Variants in CNTNAP3 observed in about 807,000 individuals in gnomAD.
CNTNAP3 encodes contactin associated protein family member 3, also known as contactin-associated protein-like 3.
A neutral mutation model predicts 92.1 loss-of-function variants in CNTNAP3; 36 were observed. The ratio of observed to expected loss-of-function variants is 0.39; its 90% CI spans 0.30 to 0.52. The LOEUF is 0.52. CNTNAP3 is among the 20% of genes least tolerant of loss of function. CNTNAP3 has a pLI of 0.76. For synonymous variants in CNTNAP3, 232 were observed against 422.3 expected (o/e 0.55, Z 5.53); for missense variants, 534 against 1,069.6 (o/e 0.50, Z 6.98).
intron 17 of CNTNAP3, 97 bp downstream of exon 17, chr9:39,102,400 G>T: frequency 5.8e-6 from 9 of 1,563,392 alleles, no homozygotes; most frequent in East Asian, 4.7e-5. Context: ...AGTAGTTGTT[G>T]TTGGCAACTG....
intron 18 of CNTNAP3, among the ~76,000 whole-genome samples, chr9:39,090,080 C>T (rs1476420937): frequency 6.6e-6 from 1 of 151,838 alleles, no homozygotes; most frequent in Non-Finnish European, 1.5e-5. Context: ...GCTGGGACTA[C>T]AGGCGCCCGC....
At position 39,092,555 on chromosome 9, in the gene CNTNAP3, A is replaced by T. The variant is rs1370162547; in HGVS notation, c.2996-3908T>A. Among the ~76,000 whole-genome samples, 6 of 136,616 alleles carry T rather than the reference A, an allele frequency of 4.4e-5. 1 individual carries two copies. Among genetic ancestry groups the T allele is most frequent in the African/African-American group, 1.6e-4 (6 of 37,296 alleles). The allele number at this position is 136,616 out of a possible 152,430, so 89.6% of individuals were successfully genotyped here. On this transcript the variant is annotated intron_variant, in intron 18 of 23. Coordinates refer to ENST00000297668, the MANE Select transcript of CNTNAP3 (RefSeq NM_033655.5). ...TATTCCACAATTTCTTTATGTTATT[A>T]TTTTCATCTCATTGTGTTTTAAAAA... is the stretch of plus-strand genomic sequence containing the variant.
rs1241972360 is a variant in CNTNAP3 at position 39,287,753 on chromosome 9, TA to T, written c.85+226del. On this transcript the variant is annotated intron_variant, in intron 1 of 23. Transcript: ENST00000297668. ...TCAATGAATATTCAAGTACATCGATTAAAAAGTCAAAACATGCATGGTATAT... is the reference window on the plus strand; with the variant it reads ...TCAATGAATATTCAAGTACATCGATTAAAAGTCAAAACATGCATGGTATAT... 6.5e-5 allele frequency among the ~76,000 whole-genome samples: 3 copies of T among 46,272 alleles called. 1 individual carries two copies. The highest frequency in any genetic ancestry group is 4.9e-4 in the Admixed American group (2 of 4,052). 30.4% of individuals were successfully genotyped at this position (46,272 alleles called of 152,430 possible).
chr9:39,069,143 C>T lies in CNTNAP3; in HGVS notation c.*4747G>A, dbSNP rs1825581488. ...TTAAGATGAACATTGTAGATTGGAG[C>T]ATATTATGGGAGCAAGGCAACCTGT... On this transcript the variant is annotated 3_prime_UTR_variant, in exon 24 of 24. Transcript: ENST00000297668. Among the ~76,000 whole-genome samples, 1 of 151,986 alleles carries T rather than the reference C, an allele frequency of 6.6e-6. No individual in the cohort carries two copies. Among genetic ancestry groups the T allele is most frequent in the African/African-American group, 2.4e-5 (1 of 41,246 alleles).
intron 4 of CNTNAP3, among the ~76,000 whole-genome samples, chr9:39,184,040 C>A (rs898194995): frequency 1.4e-5 from 2 of 146,526 alleles, no homozygotes; most frequent in Non-Finnish European, 3.0e-5. Context: ...TTTGTGTCTG[C>A]GTTCCTTCTT....
In CNTNAP3 at chr9:39,139,135, C is replaced by G. The variant is rs926406310; in HGVS notation, c.1876+1384G>C. 3.0e-4 allele frequency among the ~76,000 whole-genome samples: 46 copies of G among 152,248 alleles called. 1 individual carries two copies. Among genetic ancestry groups the G allele is most frequent in the Admixed American group, 6.5e-4 (10 of 15,294 alleles). ...GCATCTAAAGAGAAGGTGACATTTT[C>G]TAGGGCAGAAAAGAGACCAGAGTTT... On this transcript the variant is annotated intron_variant, in intron 12 of 23. Transcript: ENST00000297668.
In CNTNAP3 at chr9:39,066,510, A is replaced by G. The variant is rs982973623; in HGVS notation, c.*7380T>C. Among the ~76,000 whole-genome samples, 1 of 152,236 alleles carries G rather than the reference A, an allele frequency of 6.6e-6. No individual in the cohort carries two copies. Among genetic ancestry groups the G allele is most frequent in the African/African-American group, 2.4e-5 (1 of 41,456 alleles). ...ATTCTTTATTTTCCTTCTTCCTGAA[A>G]GGCTTTTACACTGTTCTCATAGTCC... is the stretch of plus-strand genomic sequence containing the variant. On this transcript the variant is annotated 3_prime_UTR_variant, in exon 24 of 24. Coordinates refer to ENST00000297668, the MANE Select transcript of CNTNAP3 (RefSeq NM_033655.5).
In CNTNAP3 at chr9:39,083,518, G is replaced by A. The variant is rs572038236; in HGVS notation, c.3442+2218C>T. Among the ~76,000 whole-genome samples the A allele has an allele frequency of 5.3e-5, 8 of 152,004 alleles. No homozygotes were observed. In the South Asian group the frequency reaches 1.7e-3, roughly 32 times the overall value. ...TACTAAAACTACAAAAATTAGCCAG[G>A]CGTGGTGGTACATGCCTGTAATCCC... On this transcript the variant is annotated intron_variant, in intron 21 of 23. Coordinates refer to ENST00000297668, the MANE Select transcript of CNTNAP3 (RefSeq NM_033655.5).
Position 39,168,014 on chromosome 9 carries a change from TTG to T in CNTNAP3, c.1334-1940_1334-1939del, listed in dbSNP as rs1231195010. On this transcript the variant is annotated intron_variant, in intron 8 of 23. Coordinates refer to ENST00000297668, the MANE Select transcript of CNTNAP3 (RefSeq NM_033655.5). ...TGTGCCTTTTACCTTGAGTTTTTTT[TTG>T]TTTTTGTTTTTTTTTTTTGAGATGG... is the stretch of plus-strand genomic sequence containing the variant. 1.9e-3 allele frequency among the ~76,000 whole-genome samples: 269 copies of T among 143,582 alleles called. 3 individuals are homozygous for T. Among genetic ancestry groups the T allele is most frequent in the African/African-American group, 7.1e-3 (261 of 36,674 alleles). 94.2% of individuals were successfully genotyped at this position (143,582 alleles called of 152,430 possible). A position where few individuals can be genotyped will look rare whatever the true frequency, so the allele number is the denominator to read the frequency against.
At chr9:39,159,483 C>T (rs904067535) in intron 9 of CNTNAP3, 23 of 130,478 alleles carry the variant, frequency 1.8e-4, no homozygotes, top group Admixed American at 1.1e-3. Context: ...CCATCATGCC[C>T]GGCTAAATTT....
intron 21 of CNTNAP3, chr9:39,085,388 C>T (rs892374961): frequency 2.3e-5 from 6 of 261,344 alleles, no homozygotes; most frequent in African/African-American, 7.0e-5. Flanking sequence ...TGATGGTCTC[C>T]GGAGTTGATG....
At chr9:39,105,263 T>A (rs563510058) in intron 15 of CNTNAP3, among the ~76,000 whole-genome samples, 2 of 152,198 alleles carry the variant, frequency 1.3e-5, no homozygotes, top group Non-Finnish European at 2.9e-5. Flanking sequence ...CCGTCTCTAC[T>A]AAAAATACAA....
intron 12 of CNTNAP3, among the ~76,000 whole-genome samples, chr9:39,135,444 G>A (rs962188996): frequency 6.6e-6 from 1 of 151,944 alleles, no homozygotes; most frequent in Non-Finnish European, 1.5e-5. Context: ...GTGTGGCTGA[G>A]TCTGAACACA....
chr9:39,130,720 G>A (rs1327005445), intron 13 of CNTNAP3, among the ~76,000 whole-genome samples: 1 of 151,902 alleles, frequency 6.6e-6, no homozygotes, highest in East Asian at 1.9e-4. Context: ...TAGCCAGGAT[G>A]GTCTGATTTC....
At chr9:39,090,292 GA>G (rs1370517989) in intron 18 of CNTNAP3, among the ~76,000 whole-genome samples, 1 of 152,110 alleles carries the variant, frequency 6.6e-6, no homozygotes, top group Non-Finnish European at 1.5e-5. Flanking sequence ...ACCCTTATAA[GA>G]GACATGATTT....
At chr9:39,087,837 T>C (rs1826098618) in intron 19 of CNTNAP3, among the ~76,000 whole-genome samples, 1 of 152,198 alleles carries the variant, frequency 6.6e-6, no homozygotes, top group Non-Finnish European at 1.5e-5. Flanking sequence ...TTGTGCTGTG[T>C]ACCTAACAGA....
chr9:39,101,479 T>C (rs1317443355), intron 17 of CNTNAP3, among the ~76,000 whole-genome samples: 6 of 133,868 alleles, frequency 4.5e-5, no homozygotes, highest in Admixed American at 2.8e-4. Flanking sequence ...TAAACAACAG[T>C]GATAAAACAG....
chr9:39,087,227 C>T (rs558133098), intron 19 of CNTNAP3, among the ~76,000 whole-genome samples: 2 of 152,330 alleles, frequency 1.3e-5, no homozygotes, highest in African/African-American at 4.8e-5. Flanking sequence ...TATCAACATT[C>T]AGTTCCTGTA....
chr9:39,121,967 T>C (rs918793754), intron 13 of CNTNAP3, among the ~76,000 whole-genome samples: 11 of 152,124 alleles, frequency 7.2e-5, no homozygotes. Flanking sequence ...CTTCTTTTCT[T>C]ACCCAAGGGA....
Sources: gnomAD v4.1 joint callset for allele counts (sites outside exome capture counted in the v4.1 genomes callset) on GRCh38, gnomAD v4.1.1 for gene constraint, MANE v1.5 for transcripts, NCBI Gene and HGNC (gene_info 2026-07-23, HGNC 2026-07-21) for gene names.